ROBO2: variants seen among roughly 807,000 people sequenced by gnomAD.
The protein encoded by ROBO2 is roundabout guidance receptor 2, also known as roundabout homolog 2.
ROBO2 carries 53 observed loss-of-function variants against 160.8 expected under a neutral mutation model. The ratio of observed to expected loss-of-function variants is 0.33; its 90% CI spans 0.26 to 0.41. The LOEUF is 0.41. ROBO2 is among the 10% of genes least tolerant of loss of function. ROBO2 has a pLI of 1.00. For synonymous variants in ROBO2, 664 were observed against 611.7 expected, an observed-to-expected ratio of 1.09 and a Z score of -1.26; for missense variants, 1,577 against 1,722.4, an observed-to-expected ratio of 0.92 and a Z score of 1.49.
chr3:77,358,993 T>C (rs2069535060), intron 2 of ROBO2, among the ~76,000 whole-genome samples: 1 of 152,212 alleles, frequency 6.6e-6, no homozygotes, highest in Non-Finnish European at 1.5e-5. Flanking sequence ...TTTTGCTTTA[T>C]TTTCTTCTCT....
At chr3:77,456,244 A>G (rs757708016) in intron 2 of ROBO2, among the ~76,000 whole-genome samples, 1 of 152,226 alleles carries the variant, frequency 6.6e-6, no homozygotes, top group Non-Finnish European at 1.5e-5. Flanking sequence ...CAACAAGCCA[A>G]TAAAATTAGC....
At chr3:76,794,366 C>G (rs2063554246) in intron 2 of ROBO2, among the ~76,000 whole-genome samples, 1 of 151,852 alleles carries the variant, frequency 6.6e-6, no homozygotes, top group South Asian at 2.1e-4. Context: ...TGCATTTTAT[C>G]CTTTGTTAAT....
chr3:76,414,831 C>A (rs1346477269), intron 2 of ROBO2, among the ~76,000 whole-genome samples: 1 of 148,086 alleles, frequency 6.8e-6, no homozygotes, highest in Admixed American at 6.7e-5. Context: ...ACACAAAAAA[C>A]AGCAACAAAA....
intron 2 of ROBO2, among the ~76,000 whole-genome samples, chr3:77,389,963 G>A (rs1342870884): frequency 6.6e-6 from 1 of 152,158 alleles, no homozygotes; most frequent in Non-Finnish European, 1.5e-5. Flanking sequence ...GCATTCACTA[G>A]AAAGGGATAC....
intron 2 of ROBO2, among the ~76,000 whole-genome samples, chr3:77,187,765 A>C (rs2081410465): frequency 6.6e-6 from 1 of 151,996 alleles, no homozygotes; most frequent in African/African-American, 2.4e-5. Flanking sequence ...CTTTTCAAGA[A>C]TAAAAAAGTG....
At chr3:76,044,267 C>T (rs1388238314) in intron 2 of ROBO2, among the ~76,000 whole-genome samples, 2 of 152,036 alleles carry the variant, frequency 1.3e-5, no homozygotes, top group African/African-American at 4.8e-5. Context: ...TGAATGTAAG[C>T]ATTCTTCCCT....
chr3:77,296,635 T>C (rs1381618543), intron 2 of ROBO2, among the ~76,000 whole-genome samples: 2 of 152,098 alleles, frequency 1.3e-5, no homozygotes, highest in African/African-American at 2.4e-5. Flanking sequence ...CCCCAGGTGA[T>C]TGTGATGCAT....
Position 77,030,121 on chromosome 3 carries a change from T to A in ROBO2, c.110-67893T>A, listed in dbSNP as rs555206812. 3.9e-4 allele frequency among the ~76,000 whole-genome samples: 60 copies of A among 152,108 alleles called. 1 individual carries two copies. The East Asian group carries it at 6.2e-3, about 16-fold the overall frequency. On this transcript the variant is annotated intron_variant, in intron 2 of 26. Coordinates refer to the ROBO2 transcript ENST00000487694. ...CACCACGCCCGGCTAATTTTCTGTA[T>A]TTTTAGTAGAGACGGGGTTTCACCG... is the stretch of plus-strand genomic sequence containing the variant.
intron 2 of ROBO2, among the ~76,000 whole-genome samples, chr3:76,712,552 G>C (rs113616122): frequency 9.2e-5 from 14 of 152,108 alleles, no homozygotes; most frequent in African/African-American, 3.4e-4. Context: ...GTATGTGCCT[G>C]TAATCCCAGG....
chr3:76,942,526 T>C (rs930757508), intron 2 of ROBO2, among the ~76,000 whole-genome samples: 1 of 152,324 alleles, frequency 6.6e-6, no homozygotes, highest in Middle Eastern at 3.4e-3. Context: ...CTTATCAACA[T>C]GCTGATGACA....
At chr3:76,737,980 A>G (rs550085752) in intron 2 of ROBO2, among the ~76,000 whole-genome samples, 1 of 152,098 alleles carries the variant, frequency 6.6e-6, no homozygotes, top group South Asian at 2.1e-4. Context: ...AAAAAAATAC[A>G]AAAATTAGCT....
chr3:76,030,866 A>T (rs1456516472), intron 2 of ROBO2, among the ~76,000 whole-genome samples: 2 of 152,116 alleles, frequency 1.3e-5, no homozygotes, highest in Non-Finnish European at 2.9e-5. Flanking sequence ...TTTTGGTTCC[A>T]TATGAACTTT....
chr3:76,705,690 C>G (rs761028626), intron 2 of ROBO2, among the ~76,000 whole-genome samples: 1 of 152,126 alleles, frequency 6.6e-6, no homozygotes. Context: ...TGCATTCAAC[C>G]GAAATATTAT....
chr3:77,494,895 T>A (rs2086594812), intron 5 of ROBO2, among the ~76,000 whole-genome samples: 1 of 152,226 alleles, frequency 6.6e-6, no homozygotes, highest in Admixed American at 6.5e-5. Context: ...TTAATTCAGT[T>A]AGTTTTTCAG....
chr3:76,777,719 C>T (rs771830403), intron 2 of ROBO2, among the ~76,000 whole-genome samples: 6 of 150,716 alleles, frequency 4.0e-5, no homozygotes, highest in African/African-American at 7.3e-5. Context: ...AGAAAAGACC[C>T]GTACCTCTGG....
intron 2 of ROBO2, among the ~76,000 whole-genome samples, chr3:77,274,429 A>C (rs145502513): frequency 2.6e-5 from 4 of 152,228 alleles, no homozygotes; most frequent in Non-Finnish European, 5.9e-5. Context: ...CATGAATATA[A>C]AATTTTTAGA....
chr3:77,647,906 A>C (rs1475802414), exon 26 of ROBO2: 1 of 152,170 alleles, frequency 6.6e-6, no homozygotes, highest in Non-Finnish European at 1.5e-5. Context: ...ATAATTAAAC[A>C]TTTCCATCCT....
chr3:77,431,150 C>A (rs998388970), intron 2 of ROBO2, among the ~76,000 whole-genome samples: 1 of 152,168 alleles, frequency 6.6e-6, no homozygotes, highest in African/African-American at 2.4e-5. Flanking sequence ...GCAATTGGCT[C>A]CTGAGTTTCA....
intron 2 of ROBO2, among the ~76,000 whole-genome samples, chr3:76,194,668 G>A (rs1441929122): frequency 1.3e-5 from 2 of 151,160 alleles, no homozygotes; most frequent in Non-Finnish European, 1.5e-5. Flanking sequence ...TTACCAGGCT[G>A]GAGTGCAGTG....
Sources: allele counts gnomAD v4.1 joint callset (sites outside exome capture counted in the v4.1 genomes callset), GRCh38; gene constraint gnomAD v4.1.1; transcripts MANE v1.5; gene names NCBI Gene and HGNC (gene_info 2026-07-23, HGNC 2026-07-21).